THRB: variants seen among roughly 807,000 people sequenced by gnomAD.
THRB encodes thyroid hormone receptor beta.
A neutral mutation model predicts 47.8 loss-of-function variants in THRB; 12 were observed. The ratio of observed to expected loss-of-function variants is 0.25; its 90% CI spans 0.16 to 0.41. The LOEUF is 0.41. Among genes scored for constraint, THRB ranks in the 10% least tolerant of loss-of-function variants. The pLI, the probability that THRB is intolerant of heterozygous loss-of-function variation, is 1.00. For missense variants in THRB, 348 were observed against 589.2 expected, an observed-to-expected ratio of 0.59 and a Z score of 4.24; for synonymous variants, 218 against 212.2, an observed-to-expected ratio of 1.03 and a Z score of -0.24.
At chr3:24,193,933 A>G (rs2043655817) in intron 4 of THRB, among the ~76,000 whole-genome samples, 2 of 152,268 alleles carry the variant, frequency 1.3e-5, no homozygotes, top group Admixed American at 6.5e-5. Flanking sequence ...ACCATGGAAT[A>G]CTACTCAGAC....
intron 2 of THRB, among the ~76,000 whole-genome samples, chr3:24,316,317 A>G (rs757347881): frequency 3.3e-5 from 5 of 152,074 alleles, no homozygotes; most frequent in Non-Finnish European, 7.4e-5. Flanking sequence ...ATTTCATCAT[A>G]ATATATTTTT....
chr3:24,229,092 C>T (rs2047992495), intron 3 of THRB, 91 bp from the exon 4 acceptor site: 1 of 796,362 alleles, frequency 1.3e-6, no homozygotes, highest in East Asian at 2.5e-5. Context: ...GCATTAATTA[C>T]CTTGAAGCAA....
At chr3:24,480,509 A>AC (rs770052306) in intron 1 of THRB, among the ~76,000 whole-genome samples, 1 of 152,180 alleles carries the variant, frequency 6.6e-6, no homozygotes, top group Non-Finnish European at 1.5e-5. Context: ...TGGAGCACAA[A>AC]CATACTCCTT....
chr3:24,202,513 C>G (rs73138680), intron 4 of THRB, among the ~76,000 whole-genome samples: 2,917 of 152,202 alleles, frequency 0.019, 111 homozygotes, highest in African/African-American at 0.067. Context: ...ACCGGCTCTG[C>G]CTCCAAACGG....
chr3:24,278,320 G>A (rs1008742674), intron 3 of THRB, among the ~76,000 whole-genome samples: 3 of 152,172 alleles, frequency 2.0e-5, no homozygotes, highest in African/African-American at 4.8e-5. Flanking sequence ...GAAAAGAAAT[G>A]AGAAATAATT....
chr3:24,354,215 G>A (rs1160241116), intron 1 of THRB, among the ~76,000 whole-genome samples: 1 of 151,992 alleles, frequency 6.6e-6, no homozygotes. Context: ...CACACACTAG[G>A]GCCTTTTGGG....
At chr3:24,318,872 C>T (rs1160533953) in intron 2 of THRB, among the ~76,000 whole-genome samples, 3 of 152,232 alleles carry the variant, frequency 2.0e-5, no homozygotes, top group African/African-American at 7.2e-5. Flanking sequence ...AATTACACAT[C>T]ACTTCTCTCT....
rs142738052 is a variant in THRB, at chr3:24,146,951, TC to T, written c.385-130del. ...CTTAACCTGTTTCTAGGCCTCTAGC[TC>T]CACATATTCAAATATAAGACAGTTG... On this transcript the variant is annotated intron_variant, in intron 6 of 10. Transcript: ENST00000646209. 2,375 of 747,042 alleles carry T rather than the reference TC, an allele frequency of 3.2e-3. 33 individuals carry two copies. The African/African-American group carries it at 0.032, about 10-fold the overall frequency. 46.3% of individuals were successfully genotyped at this position (747,042 alleles called of 1,614,324 possible).
chr3:24,213,699 G>A (rs2046287440), intron 4 of THRB, among the ~76,000 whole-genome samples: 1 of 152,126 alleles, frequency 6.6e-6, no homozygotes, highest in Admixed American at 6.5e-5. Flanking sequence ...AAAAATTAAT[G>A]GGTAATTCTC....
intron 5 of THRB, among the ~76,000 whole-genome samples, chr3:24,173,147 G>A (rs1559508992): frequency 6.6e-6 from 1 of 152,142 alleles, no homozygotes; most frequent in South Asian, 2.1e-4. Flanking sequence ...ACTCTGGGGG[G>A]TGGGGACAGC....
At chr3:24,163,578 A>G (rs906568234) in intron 5 of THRB, among the ~76,000 whole-genome samples, 1 of 152,178 alleles carries the variant, frequency 6.6e-6, no homozygotes, top group African/African-American at 2.4e-5. Context: ...TAATGAGGCA[A>G]TGTTAATTTC....
At position 24,189,975 on chromosome 3, in the gene THRB, T is replaced by G. The variant is rs2043119976; in HGVS notation, c.283+99A>C. The G allele has an allele frequency of 1.0e-5, 12 of 1,195,224 alleles. No homozygotes were observed. In the East Asian group the frequency reaches 2.8e-4, roughly 28 times the overall value. The allele number at this position is 1,195,224 out of a possible 1,614,324, so 74.0% of individuals were successfully genotyped here. ...CAGTTGGAGAAAACATGGGACACCA[T>G]ACATTGGAAGAGAAATGTAGATGAA... On this transcript the variant is annotated intron_variant, in intron 5 of 10. Coordinates refer to ENST00000646209, the MANE Select transcript of THRB (RefSeq NM_001354712.2).
At chr3:24,406,219 CCTT>C (rs2067814189) in intron 1 of THRB, among the ~76,000 whole-genome samples, 3 of 151,196 alleles carry the variant, frequency 2.0e-5, no homozygotes, top group African/African-American at 2.4e-5. Flanking sequence ...AATTTATATT[CCTT>C]CTTATTTCTC....
intron 1 of THRB, among the ~76,000 whole-genome samples, chr3:24,467,372 C>T (rs1019609963): frequency 6.6e-6 from 1 of 152,172 alleles, no homozygotes; most frequent in African/African-American, 2.4e-5. Context: ...TTTTGACCTC[C>T]TCCCAGGAAT....
chr3:24,198,444 C>G (rs2044218244), intron 4 of THRB, among the ~76,000 whole-genome samples: 3 of 24,744 alleles, frequency 1.2e-4, no homozygotes, highest in Non-Finnish European at 2.3e-4. Context: ...TTCAAAGTGT[C>G]TCCCCCCGCC....
chr3:24,324,681 T>C (rs1415546437), intron 2 of THRB, among the ~76,000 whole-genome samples: 1 of 152,226 alleles, frequency 6.6e-6, no homozygotes, highest in Non-Finnish European at 1.5e-5. Flanking sequence ...AAAACATAAA[T>C]CATTTAGTAA....
chr3:24,128,863 CTTTTTTTTTTTTTT>C lies in THRB; in HGVS notation c.886-1120_886-1107del, dbSNP rs57890674. 4.6e-5 allele frequency among the ~76,000 whole-genome samples: 4 copies of C among 87,060 alleles called. 1 individual carries two copies. Among genetic ancestry groups the C allele is most frequent in the African/African-American group, 6.7e-5 (2 of 29,660 alleles). The allele number at this position is 87,060 out of a possible 152,430, so 57.1% of individuals were successfully genotyped here. A position where few individuals can be genotyped will look rare whatever the true frequency, so the allele number is the denominator to read the frequency against. ...GCCAAGAGAAGAAGGAAACATAACT[CTTTTTTTTTTTTTT>C]TTTTTTTTTTTTACCATGGATATGA... On this transcript the variant is annotated intron_variant, in intron 9 of 10. Coordinates refer to ENST00000646209, the MANE Select transcript of THRB (RefSeq NM_001354712.2).
intron 1 of THRB, among the ~76,000 whole-genome samples, chr3:24,481,244 T>G (rs867187240): frequency 2.7e-5 from 4 of 147,070 alleles, no homozygotes; most frequent in African/African-American, 1.0e-4. Flanking sequence ...TTTTTTTTTT[T>G]TTTTTTTTTT....
intron 1 of THRB, among the ~76,000 whole-genome samples, chr3:24,373,483 T>G (rs1238453830): frequency 6.6e-6 from 1 of 152,082 alleles, no homozygotes; most frequent in Non-Finnish European, 1.5e-5. Context: ...GACTTCTGGC[T>G]GCCTGAACAA....
Sources: gnomAD v4.1 joint callset for allele counts (sites outside exome capture counted in the v4.1 genomes callset) on GRCh38, gnomAD v4.1.1 for gene constraint, MANE v1.5 for transcripts, NCBI Gene and HGNC (gene_info 2026-07-23, HGNC 2026-07-21) for gene names.